The following ATP2C1 variants were observed in gnomAD, a reference collection of about 807,000 sequenced individuals.
ATP2C1 encodes the protein ATPase secretory pathway Ca2+ transporting 1.
ATP2C1 carries 31 observed loss-of-function variants against 120.5 expected under a neutral mutation model. The observed-to-expected ratio is 0.26, with a 90% CI of 0.19 to 0.35. The LOEUF is 0.35. ATP2C1 is among the 10% of genes least tolerant of loss of function. The probability of loss-of-function intolerance (pLI) is 1.00; values close to 1 mark genes in which losing one functional copy is unlikely to be tolerated. For missense variants in ATP2C1, 731 were observed against 1,107.5 expected (o/e 0.66, Z 4.83); for synonymous variants, 351 against 358.7 (o/e 0.98, Z 0.24).
downstream of ATP2C1, among the ~76,000 whole-genome samples, chr3:131,006,448 G>T (rs1328375840): frequency 1.3e-5 from 2 of 151,896 alleles, no homozygotes; most frequent in Non-Finnish European, 2.9e-5. Flanking sequence ...AATTTTTTTG[G>T]CCTTTCTAGC....
chr3:130,896,024 TC>T (rs536048525), intron 2 of ATP2C1, among the ~76,000 whole-genome samples: 1 of 151,502 alleles, frequency 6.6e-6, no homozygotes, highest in Non-Finnish European at 1.5e-5. Context: ...CTTTTTCCTC[TC>T]TTTTAAGTTT....
At chr3:130,893,595 T>C (rs555797160), upstream of ATP2C1, among the ~76,000 whole-genome samples, 10 of 152,340 alleles carry the variant, frequency 6.6e-5, no homozygotes, top group Non-Finnish European at 1.5e-4. Context: ...CAACGTTGCC[T>C]GCTGAGATTG....
At chr3:130,912,469 A>G (rs1256923607) in intron 2 of ATP2C1, among the ~76,000 whole-genome samples, 1 of 150,130 alleles carries the variant, frequency 6.7e-6, no homozygotes, top group Non-Finnish European at 1.5e-5. Context: ...TCTCAAAAGA[A>G]GACATTTATG....
intron 2 of ATP2C1, among the ~76,000 whole-genome samples, chr3:130,901,694 GGA>G (rs1228954413): frequency 6.6e-6 from 1 of 152,022 alleles, no homozygotes; most frequent in Admixed American, 6.6e-5. Context: ...AGCTATGCAT[GGA>G]GAGAGGTGTT....
At chr3:130,877,148 A>G (rs1216915517) in intron 1 of ATP2C1, among the ~76,000 whole-genome samples, 1 of 152,086 alleles carries the variant, frequency 6.6e-6, no homozygotes, top group Non-Finnish European at 1.5e-5. Context: ...AGCTACTCCT[A>G]TATACTTTTG....
At chr3:130,924,181 C>T (rs1293922816) in intron 2 of ATP2C1, among the ~76,000 whole-genome samples, 2 of 151,106 alleles carry the variant, frequency 1.3e-5, no homozygotes, top group East Asian at 3.9e-4. Flanking sequence ...GTTATATAGG[C>T]CCTGTGAGAT....
At chr3:131,014,297 A>G in intron 26 of ATP2C1, 1 of 1,614,026 alleles carries the variant, frequency 6.2e-7, no homozygotes, top group African/African-American at 1.3e-5. Flanking sequence ...AAAGTTGCTT[A>G]GCCTCAGGAC....
exon 1 of ATP2C1, chr3:130,850,717 G>A (rs536725130): frequency 1.3e-5 from 7 of 519,842 alleles, no homozygotes; most frequent in African/African-American, 7.9e-5. Context: ...GGAAGTTGTC[G>A]AGCTACAAAC....
At chr3:130,868,426 G>A (rs1326758344) in intron 1 of ATP2C1, 2 of 128,798 alleles carry the variant, frequency 1.6e-5, no homozygotes, top group Admixed American at 1.5e-4. Flanking sequence ...GGGAGGTGGG[G>A]GGTCAGCCCC....
intron 17 of ATP2C1, among the ~76,000 whole-genome samples, chr3:130,973,353 A>G (rs981170555): frequency 1.3e-5 from 2 of 152,184 alleles, no homozygotes; most frequent in Admixed American, 1.3e-4. Flanking sequence ...AAGAGCTTCT[A>G]GAGAGCTTTA....
intron 12 of ATP2C1, among the ~76,000 whole-genome samples, chr3:130,961,163 A>C (rs1405120844): frequency 6.6e-6 from 1 of 151,998 alleles, no homozygotes; most frequent in Non-Finnish European, 1.5e-5. Context: ...GGTTAAATAT[A>C]AAATACATTT....
At chr3:130,910,230 A>G (rs2108100208) in intron 2 of ATP2C1, among the ~76,000 whole-genome samples, 1 of 151,596 alleles carries the variant, frequency 6.6e-6, no homozygotes, top group South Asian at 2.1e-4. Flanking sequence ...GAGTTCACTC[A>G]TGATTTGGCT....
At chr3:130,955,129 T>C (rs554308799) in intron 10 of ATP2C1, 49 bp downstream of exon 10, 2 of 1,260,348 alleles carry the variant, frequency 1.6e-6, no homozygotes, top group African/African-American at 2.9e-5. Context: ...TCTGAAATTC[T>C]TCATTGTAAG....
intron 8 of ATP2C1, among the ~76,000 whole-genome samples, chr3:130,951,705 CAG>C (rs1388731850): frequency 1.3e-5 from 2 of 152,066 alleles, no homozygotes; most frequent in African/African-American, 4.8e-5. Context: ...GTAATGAACT[CAG>C]ATTTATTAAC....
At chr3:130,985,876 T>A (rs906615083) in intron 20 of ATP2C1, among the ~76,000 whole-genome samples, 2 of 152,172 alleles carry the variant, frequency 1.3e-5, no homozygotes, top group African/African-American at 4.8e-5. Flanking sequence ...TATGTTCATA[T>A]TCATTTTCTA....
chr3:131,015,974 G>T, intron 26 of ATP2C1: 1 of 830,632 alleles, frequency 1.2e-6, no homozygotes, highest in Non-Finnish European at 2.0e-6. Context: ...TATTTTTCCC[G>T]TTTCCAGCTC....
At chr3:130,980,529 C>T (rs1041577186) in intron 19 of ATP2C1, 53 bp from the exon 20 acceptor site, 9 of 1,315,266 alleles carry the variant, frequency 6.8e-6, no homozygotes, top group Non-Finnish European at 9.9e-6. Flanking sequence ...GTTGACTAGC[C>T]TGTCAAGCAA....
At chr3:130,875,784 T>G (rs2068581297) in intron 1 of ATP2C1, among the ~76,000 whole-genome samples, 1 of 152,204 alleles carries the variant, frequency 6.6e-6, no homozygotes, top group Non-Finnish European at 1.5e-5. Context: ...TGGCATTTGT[T>G]AGTTTTTGTC....
intron 2 of ATP2C1, among the ~76,000 whole-genome samples, chr3:130,895,273 C>T (rs2069506622): frequency 6.6e-6 from 1 of 152,090 alleles, no homozygotes. Context: ...AAAAAAAACC[C>T]AGTGAATTTA....
Sources: allele counts gnomAD v4.1 joint callset (sites outside exome capture counted in the v4.1 genomes callset), GRCh38; gene constraint gnomAD v4.1.1; transcripts MANE v1.5; gene names NCBI Gene and HGNC (gene_info 2026-07-23, HGNC 2026-07-21).